Variants in DSCAML1 observed in about 807,000 individuals in gnomAD.
DSCAML1 encodes the protein cell adhesion molecule DSCAML1.
DSCAML1 carries 38 observed loss-of-function variants against 200.5 expected under a neutral mutation model. That is an observed-to-expected ratio of 0.19 (90% CI 0.15 to 0.25). The LOEUF (loss-of-function observed/expected upper bound fraction) is 0.25, where lower values mean the gene tolerates loss of function less well. Among genes scored for constraint, DSCAML1 ranks in the 10% least tolerant of loss-of-function variants. DSCAML1 has a pLI of 1.00. For missense variants in DSCAML1, 2,223 were observed against 2,858.8 expected (o/e 0.78, Z 5.07); for synonymous variants, 1,215 against 1,165.0 (o/e 1.04, Z -0.87).
intron 17 of DSCAML1, among the ~76,000 whole-genome samples, chr11:117,462,140 G>C (rs74445248): frequency 7.9e-5 from 12 of 152,344 alleles, no homozygotes; most frequent in African/African-American, 2.9e-4. Flanking sequence ...AAGGACTTCA[G>C]CTAACCCTGG....
Position 117,577,491 on chromosome 11 carries a change from T to C in DSCAML1, c.512-44969A>G, listed in dbSNP as rs1458851444. On this transcript the variant is annotated intron_variant, in intron 3 of 32. Transcript: ENST00000651296. ...CTTCCTTCCTTCCTTCCTTCCTTCC[T>C]TCCTTCCTTCCTTCCCTCCTTCCTT... Among the ~76,000 whole-genome samples the C allele has an allele frequency of 8.2e-5, 5 of 61,192 alleles. No individual in the cohort carries two copies. In the South Asian group the frequency reaches 2.2e-3, roughly 27 times the overall value. 40.1% of individuals were successfully genotyped at this position (61,192 alleles called of 152,430 possible).
chr11:117,748,725 G>A (rs535681420), intron 3 of DSCAML1, among the ~76,000 whole-genome samples: 1 of 152,184 alleles, frequency 6.6e-6, no homozygotes, highest in Non-Finnish European at 1.5e-5. Context: ...CAGGAGCCTG[G>A]GTACTGCATG....
chr11:117,684,497 C>A (rs1037974270), intron 3 of DSCAML1, among the ~76,000 whole-genome samples: 1 of 144,782 alleles, frequency 6.9e-6, no homozygotes, highest in African/African-American at 2.6e-5. Flanking sequence ...GGTGAAGACG[C>A]TAGGATATCA....
chr11:117,768,223 A>G (rs1725846250), intron 3 of DSCAML1, among the ~76,000 whole-genome samples: 1 of 152,236 alleles, frequency 6.6e-6, no homozygotes, highest in Non-Finnish European at 1.5e-5. Flanking sequence ...TTCCCTCAAC[A>G]GAAAATGTTT....
At chr11:117,702,724 G>A (rs1336235333) in intron 3 of DSCAML1, among the ~76,000 whole-genome samples, 1 of 152,178 alleles carries the variant, frequency 6.6e-6, no homozygotes, top group Non-Finnish European at 1.5e-5. Flanking sequence ...GAATCAAACA[G>A]TATTTGCCAC....
intron 11 of DSCAML1, among the ~76,000 whole-genome samples, chr11:117,484,391 AC>A (rs1457297914): frequency 6.6e-6 from 1 of 152,168 alleles, no homozygotes; most frequent in Non-Finnish European, 1.5e-5. Context: ...CTTGATGCTG[AC>A]GACAGCCCTG....
chr11:117,509,451 A>G (rs935754997), intron 8 of DSCAML1, among the ~76,000 whole-genome samples: 1 of 152,154 alleles, frequency 6.6e-6, no homozygotes, highest in East Asian at 1.9e-4. Flanking sequence ...AGATGACCAG[A>G]TGACCTCCCA....
chr11:117,792,424 C>T (rs1216207553), intron 1 of DSCAML1, among the ~76,000 whole-genome samples: 2 of 152,136 alleles, frequency 1.3e-5, no homozygotes, highest in East Asian at 1.9e-4. Flanking sequence ...ACTCCTCAAG[C>T]ATCACTCCAG....
intron 3 of DSCAML1, among the ~76,000 whole-genome samples, chr11:117,538,412 GC>G (rs893804629): frequency 6.6e-6 from 1 of 152,204 alleles, no homozygotes; most frequent in Non-Finnish European, 1.5e-5. Flanking sequence ...AAGATGAAGG[GC>G]CGGAGTAGCT....
At chr11:117,651,628 C>T (rs534299272) in intron 3 of DSCAML1, among the ~76,000 whole-genome samples, 19 of 139,372 alleles carry the variant, frequency 1.4e-4, no homozygotes, top group Non-Finnish European at 2.3e-4. Flanking sequence ...AGGAGGATGG[C>T]GTGAACCCAG....
At chr11:117,527,368 A>T (rs891398453) in intron 4 of DSCAML1, among the ~76,000 whole-genome samples, 2 of 152,186 alleles carry the variant, frequency 1.3e-5, no homozygotes, top group Non-Finnish European at 1.5e-5. Flanking sequence ...TTCCAAGGGC[A>T]GTCAGCACCT....
chr11:117,580,124 T>C (rs1388032560), intron 3 of DSCAML1, among the ~76,000 whole-genome samples: 1 of 152,190 alleles, frequency 6.6e-6, no homozygotes, highest in Non-Finnish European at 1.5e-5. Flanking sequence ...GAATAGATGG[T>C]CTTCTCATGG....
At chr11:117,477,198 GACACACAC>G (rs60376380) in intron 14 of DSCAML1, among the ~76,000 whole-genome samples, 1 of 144,578 alleles carries the variant, frequency 6.9e-6, no homozygotes, top group African/African-American at 2.5e-5. Flanking sequence ...GCTGTCCTTA[GACACACAC>G]ACACACACAC....
Position 117,518,749 on chromosome 11 carries a change from G to C in DSCAML1, c.1227C>G (p.Arg409=). Residue 409 remains arginine (R), a synonymous_variant, in exon 7 of 33, where the codon CGC becomes CGG. Transcript: ENST00000651296. This position sits in a 1 kb window ranked among gnomAD's most constrained non-coding sequence, Gnocchi z 6.3. ...CCTTCTCGCTGAAGGACGAGACGAT[G>C]CGGGGCGTGCCATCTGCAGGGAGCG... ...AIIALEDGTP[R]IVSSFSEKVV... is the part of the protein sequence containing the mutation. 5.6e-6 allele frequency: 9 copies of C among 1,611,646 alleles called. No individual in the cohort carries two copies. Among genetic ancestry groups the C allele is most frequent in the Non-Finnish European group, 6.8e-6 (8 of 1,179,938 alleles).
chr11:117,702,772 T>G (rs1345618477), intron 3 of DSCAML1, among the ~76,000 whole-genome samples: 2 of 152,208 alleles, frequency 1.3e-5, no homozygotes, highest in South Asian at 2.1e-4. Flanking sequence ...TAGCTTCATT[T>G]CCAACTGTTG....
At position 117,428,111 on chromosome 11, in the gene DSCAML1, T is replaced by C; in HGVS notation, c.*217A>G. The C allele has an allele frequency of 2.0e-6, 1 of 494,002 alleles. No individual in the cohort carries two copies. Among genetic ancestry groups the C allele is most frequent in the Non-Finnish European group, 3.6e-6 (1 of 280,550 alleles). The allele number at this position is 494,002 out of a possible 1,614,324, so 30.6% of individuals were successfully genotyped here. A position where few individuals can be genotyped will look rare whatever the true frequency, so the allele number is the denominator to read the frequency against. ...GGGGTGGGGGATTTGACTTGTACTG[T>C]CAAATTCTTTGTGCCCTGGCTTCAT... On this transcript the variant is annotated 3_prime_UTR_variant, in exon 33 of 33. Coordinates refer to ENST00000651296, the MANE Select transcript of DSCAML1 (RefSeq NM_020693.4).
chr11:117,774,602 G>A (rs1315289478), intron 3 of DSCAML1, among the ~76,000 whole-genome samples: 2 of 152,134 alleles, frequency 1.3e-5, no homozygotes, highest in South Asian at 2.1e-4. Flanking sequence ...TCACCACACT[G>A]CACTTGGTTC....
intron 3 of DSCAML1, among the ~76,000 whole-genome samples, chr11:117,575,168 G>C (rs1267517532): frequency 6.6e-6 from 1 of 152,210 alleles, no homozygotes; most frequent in Non-Finnish European, 1.5e-5. Flanking sequence ...TCCAGCCTGG[G>C]CAACAAGAGT....
At chr11:117,672,133 T>G (rs528820165) in intron 3 of DSCAML1, among the ~76,000 whole-genome samples, 3 of 131,254 alleles carry the variant, frequency 2.3e-5, no homozygotes, top group East Asian at 4.0e-4. Context: ...AGAAGAAACC[T>G]TGGGCCTCAT....
Sources: gnomAD v4.1 joint callset for allele counts (sites outside exome capture counted in the v4.1 genomes callset) on GRCh38, gnomAD v4.1.1 for gene constraint, Gnocchi (gnomAD v3.1) non-coding constraint, MANE v1.5 for transcripts, NCBI Gene and HGNC (gene_info 2026-07-23, HGNC 2026-07-21) for gene names.